OPCML: variants seen among roughly 807,000 people sequenced by gnomAD.
OPCML encodes opioid binding protein/cell adhesion molecule like.
A neutral mutation model predicts 37.8 loss-of-function variants in OPCML; 13 were observed. The ratio of observed to expected loss-of-function variants is 0.34; its 90% CI spans 0.22 to 0.55. OPCML has a LOEUF of 0.55. Ranked by LOEUF, OPCML falls within the 20% of genes least tolerant of loss-of-function variation. OPCML has a pLI of 0.91. For synonymous variants in OPCML, 176 were observed against 168.8 expected (o/e 1.04, Z -0.33); for missense variants, 341 against 435.6 (o/e 0.78, Z 1.93).
intron 2 of OPCML, among the ~76,000 whole-genome samples, chr11:132,699,490 T>C (rs1943727057): frequency 6.6e-6 from 1 of 152,106 alleles, no homozygotes; most frequent in Non-Finnish European, 1.5e-5. Flanking sequence ...GGACTTGTCA[T>C]ATATGGACTT....
intron 1 of OPCML, among the ~76,000 whole-genome samples, chr11:133,310,038 T>C (rs982113630): frequency 5.3e-5 from 8 of 152,132 alleles, no homozygotes; most frequent in African/African-American, 1.7e-4. Flanking sequence ...AATTGTGAAG[T>C]AGTCAGCATC....
At chr11:132,643,720 A>G (rs1940993065) in intron 3 of OPCML, among the ~76,000 whole-genome samples, 1 of 152,018 alleles carries the variant, frequency 6.6e-6, no homozygotes, top group Admixed American at 6.5e-5. Flanking sequence ...CCCTCCACTT[A>G]CCAGGGCTAA....
chr11:132,577,820 A>T (rs963689482), intron 3 of OPCML, among the ~76,000 whole-genome samples: 1 of 152,084 alleles, frequency 6.6e-6, no homozygotes, highest in African/African-American at 2.4e-5. Flanking sequence ...TGTTCCTTTC[A>T]ATTCTTTTTT....
chr11:132,613,059 A>C (rs1399334805), intron 3 of OPCML, among the ~76,000 whole-genome samples: 1 of 152,244 alleles, frequency 6.6e-6, no homozygotes, highest in Non-Finnish European at 1.5e-5. Context: ...GGGGCAGAAC[A>C]GATGAAAAGA....
intron 3 of OPCML, among the ~76,000 whole-genome samples, chr11:132,569,049 A>T (rs2096431120): frequency 6.6e-6 from 1 of 152,230 alleles, no homozygotes; most frequent in Non-Finnish European, 1.5e-5. Flanking sequence ...TGGGAAAGGC[A>T]TGGGGCAGGC....
rs1014404731 is a variant in OPCML at position 132,752,668 on chromosome 11, T to G, written c.147-95349A>C. Among the ~76,000 whole-genome samples, 9 of 145,302 alleles carry G rather than the reference T, an allele frequency of 6.2e-5. No individual in the cohort carries two copies. In the South Asian group the frequency reaches 6.5e-4, roughly 10 times the overall value. ...AGCTCCCAACCTACTCAATGTTGTTTTTTTTTTTTAATTAGTTTCACTATA... is the reference window on the plus strand; with the variant it reads ...AGCTCCCAACCTACTCAATGTTGTTGTTTTTTTTTAATTAGTTTCACTATA... On this transcript the variant is annotated intron_variant, in intron 2 of 7. Transcript: ENST00000524381.
intron 2 of OPCML, among the ~76,000 whole-genome samples, chr11:132,863,515 C>G (rs1195163789): frequency 6.6e-6 from 1 of 151,262 alleles, no homozygotes; most frequent in African/African-American, 2.4e-5. Context: ...CTGGAGCCCT[C>G]CTGTCTCTCA....
chr11:133,140,859 A>AGAGGACGACGACGACGAAGAAGAG (rs139420572), intron 1 of OPCML, among the ~76,000 whole-genome samples: 1 of 33,466 alleles, frequency 3.0e-5, no homozygotes, highest in African/African-American at 6.4e-5. Context: ...ACGACGAAGA[A>AGAGGACGACGACGACGAAGAAGAG]GACGACGACG....
intron 1 of OPCML, among the ~76,000 whole-genome samples, chr11:133,072,404 C>T (rs1309047785): frequency 6.6e-6 from 1 of 152,052 alleles, no homozygotes; most frequent in South Asian, 2.1e-4. Context: ...GCATAATTCC[C>T]CTGTAAGTTG....
chr11:133,272,260 A>AC (rs1941861517), intron 1 of OPCML, among the ~76,000 whole-genome samples: 1 of 151,924 alleles, frequency 6.6e-6, no homozygotes, highest in South Asian at 2.1e-4. Context: ...ACTAAAAAAA[A>AC]AAAAAAAAAG....
intron 2 of OPCML, among the ~76,000 whole-genome samples, chr11:132,757,080 T>C (rs1184661858): frequency 1.3e-5 from 2 of 152,208 alleles, no homozygotes; most frequent in Admixed American, 6.5e-5. Context: ...GTTAGTTTGC[T>C]GAGAATAATG....
chr11:132,708,354 G>T (rs1006773710), intron 2 of OPCML, among the ~76,000 whole-genome samples: 2 of 151,972 alleles, frequency 1.3e-5, no homozygotes, highest in South Asian at 4.2e-4. Flanking sequence ...TCTTCTCTTT[G>T]TAATCCCCCA....
intron 1 of OPCML, among the ~76,000 whole-genome samples, chr11:133,404,581 C>G (rs757624001): frequency 6.6e-6 from 1 of 152,166 alleles, no homozygotes; most frequent in Non-Finnish European, 1.5e-5. Context: ...ACATAGCCAG[C>G]CTCTTAACCA....
chr11:132,583,933 T>C (rs1465611947), intron 3 of OPCML, among the ~76,000 whole-genome samples: 1 of 152,078 alleles, frequency 6.6e-6, no homozygotes, highest in South Asian at 2.1e-4. Flanking sequence ...ATTTTTTTTA[T>C]AGTTCACCAA....
At chr11:133,300,093 G>A (rs1942741498) in intron 1 of OPCML, 1 of 152,222 alleles carries the variant, frequency 6.6e-6, no homozygotes, top group South Asian at 2.1e-4. Flanking sequence ...CAGCAGTACA[G>A]ACAGAGGGGA....
At chr11:133,390,520 T>C (rs1413353781) in intron 1 of OPCML, among the ~76,000 whole-genome samples, 1 of 151,648 alleles carries the variant, frequency 6.6e-6, no homozygotes, top group African/African-American at 2.4e-5. Flanking sequence ...TGAAGAAAAA[T>C]AGGTGTCAAA....
intron 1 of OPCML, among the ~76,000 whole-genome samples, chr11:133,388,946 G>A (rs927286005): frequency 1.3e-5 from 2 of 152,140 alleles, no homozygotes; most frequent in African/African-American, 2.4e-5. Flanking sequence ...ATATATATGA[G>A]GTTCTTTCCC....
intron 4 of OPCML, among the ~76,000 whole-genome samples, chr11:132,486,619 T>G (rs1459097082): frequency 3.3e-5 from 5 of 152,146 alleles, no homozygotes; most frequent in Non-Finnish European, 4.4e-5. Context: ...ATAAATTTAT[T>G]TTTCTGGGAT....
At position 133,499,861 on chromosome 11, in the gene OPCML, T is replaced by C. The variant is rs866309475; in HGVS notation, c.61+32403A>G. On this transcript the variant is annotated intron_variant, in intron 1 of 7. Coordinates refer to ENST00000524381, the MANE Select transcript of OPCML (RefSeq NM_001012393.5). ...GTATGTATATATATATACATACACA[T>C]ATATATATATATATTTTTTTTTTTT... Among the ~76,000 whole-genome samples the C allele has an allele frequency of 3.5e-3, 402 of 114,452 alleles. 2 individuals are homozygous for C. The highest frequency in any genetic ancestry group is 0.016 in the African/African-American group (386 of 23,950). 75.1% of individuals were successfully genotyped at this position (114,452 alleles called of 152,430 possible). A position where few individuals can be genotyped will look rare whatever the true frequency, so the allele number is the denominator to read the frequency against.
Sources: gnomAD v4.1 joint callset for allele counts (sites outside exome capture counted in the v4.1 genomes callset) on GRCh38, gnomAD v4.1.1 for gene constraint, MANE v1.5 for transcripts, NCBI Gene and HGNC (gene_info 2026-07-23, HGNC 2026-07-21) for gene names.